CTSB: variants seen among roughly 807,000 people sequenced by gnomAD.
CTSB encodes the protein APP secretase.
In CTSB, 57 loss-of-function variants were observed where a neutral mutation model predicts 44.3. The observed-to-expected ratio is 1.29, with a 90% CI of 1.04 to 1.60. The LOEUF is 1.60. Ranked by LOEUF, CTSB falls within the 40% of genes most tolerant of loss-of-function variation. The pLI is 0.00. For synonymous variants in CTSB, 320 were observed against 168.0 expected (o/e 1.91, Z -7.00); for missense variants, 768 against 443.0 (o/e 1.73, Z -6.59).
intron 2 of CTSB, 115 bp from the exon 3 acceptor site, chr8:11,852,810 G>A (rs1189455846): frequency 1.1e-5 from 10 of 914,544 alleles, no homozygotes; most frequent in Non-Finnish European, 1.5e-5. Flanking sequence ...CAATTCAAGG[G>A]CCCAAGGGTT....
At chr8:11,858,706 G>C (rs1488169509) in intron 1 of CTSB, among the ~76,000 whole-genome samples, 1 of 152,204 alleles carries the variant, frequency 6.6e-6, no homozygotes, top group Non-Finnish European at 1.5e-5. Context: ...CAGAGGTCCT[G>C]ACAGCAGTGG....
At chr8:11,853,581 C>G in intron 1 of CTSB, 102 bp from the exon 2 acceptor site, 1 of 1,188,378 alleles carries the variant, frequency 8.4e-7, no homozygotes, top group Non-Finnish European at 1.2e-6. Flanking sequence ...CCCCCATGCT[C>G]GTCCTGGCCC....
intron 1 of CTSB, among the ~76,000 whole-genome samples, chr8:11,855,317 G>A (rs1482358606): frequency 2.0e-5 from 3 of 152,110 alleles, no homozygotes; most frequent in Admixed American, 1.3e-4. Flanking sequence ...ACCGCACCAG[G>A]CCCACAGATC....
chr8:11,860,709 G>A (rs767830797), intron 1 of CTSB, among the ~76,000 whole-genome samples: 1 of 152,218 alleles, frequency 6.6e-6, no homozygotes, highest in Non-Finnish European at 1.5e-5. Flanking sequence ...GTGCCTTATA[G>A]GCCAGCAGAG....
At chr8:11,845,885 A>G (rs1813226989) in intron 8 of CTSB, 96 bp from the exon 9 acceptor site, 1 of 1,418,310 alleles carries the variant, frequency 7.1e-7, no homozygotes, top group Non-Finnish European at 9.3e-7. Context: ...CGGGAAGGAG[A>G]AACAGCTTCC....
chr8:11,865,665 C>T (rs1198307505), intron 1 of CTSB: 8 of 151,430 alleles, frequency 5.3e-5, no homozygotes, highest in African/African-American at 1.9e-4. Flanking sequence ...GTCCATATCT[C>T]GAAAGGACGG....
intron 6 of CTSB, 53 bp from the exon 7 acceptor site, chr8:11,847,875 C>CCCAGCTGGGCGAGGCAGA (rs1813731578): frequency 2.6e-6 from 4 of 1,544,702 alleles, no homozygotes; most frequent in Non-Finnish European, 3.5e-6. Context: ...ACGGAGAAGA[C>CCCAGCTGGGCGAGGCAGA]CTGGGGCAAG....
At chr8:11,848,188 A>C in intron 5 of CTSB, 36 bp from the exon 6 acceptor site, 1 of 1,564,132 alleles carries the variant, frequency 6.4e-7, no homozygotes, top group East Asian at 2.2e-5. Flanking sequence ...CCTCTGAGAG[A>C]AGCACCACCA....
chr8:11,847,100 CG>C lies in CTSB; in HGVS notation c.744del (p.Val249TrpfsTer26). On this transcript the variant is annotated frameshift_variant, in exon 8 of 10. Coordinates refer to ENST00000353047, the MANE Select transcript of CTSB (RefSeq NM_001908.5). LOFTEE classifies it high-confidence loss of function. ...GAATACACAGAGAAAGCTCCCTCCA[CG>C]GGGCCGTTTTTGTAGATCTCGGCCA... is the stretch of plus-strand genomic sequence containing the variant. ...DIMAEIYKNG[P>X]VEGAFSVYSD... 1.2e-6 allele frequency: 2 copies of C among 1,613,754 alleles called. No homozygotes were observed. Among genetic ancestry groups the C allele is most frequent in the Non-Finnish European group, 1.7e-6 (2 of 1,179,628 alleles).
chr8:11,856,641 T>C (rs1291075561), intron 1 of CTSB, among the ~76,000 whole-genome samples: 2 of 152,118 alleles, frequency 1.3e-5, no homozygotes, highest in African/African-American at 4.8e-5. Flanking sequence ...AAGTGAATTC[T>C]ATTGTATTAA....
intron 6 of CTSB, 49 bp from the exon 7 acceptor site, chr8:11,847,871 A>AAGCCCCCGCTGGGCGAGGC: frequency 6.4e-7 from 1 of 1,555,122 alleles, no homozygotes; most frequent in Non-Finnish European, 8.7e-7. Flanking sequence ...CCCCACGGAG[A>AAGCCCCCGCTGGGCGAGGC]AGACCTGGGG....
At position 11,850,279 on chromosome 8, in the gene CTSB, C is replaced by T. The variant is rs567878651; in HGVS notation, c.327+587G>A. On this transcript the variant is annotated intron_variant, in intron 4 of 9. Transcript: ENST00000353047. The stretch of plus-strand genomic sequence containing the variant: ...ACTAAAAATACAAAAATTAGCTGGG[C>T]GTGGTGGCACATGCCTGTAGTCTTA... Among the ~76,000 whole-genome samples the T allele has an allele frequency of 2.4e-4, 37 of 151,878 alleles. No homozygotes were observed. The East Asian group carries it at 5.2e-3, about 21-fold the overall frequency.
intron 2 of CTSB, 135 bp downstream of exon 2, chr8:11,853,194 G>T (rs1293294): frequency 1.7e-5 from 21 of 1,248,286 alleles, no homozygotes; most frequent in Non-Finnish European, 2.3e-5. Flanking sequence ...ACATGACTCA[G>T]GGTCAGGGCC....
intron 1 of CTSB, among the ~76,000 whole-genome samples, chr8:11,860,627 A>AAAAAC (rs759399132): frequency 2.6e-5 from 4 of 152,166 alleles, no homozygotes; most frequent in South Asian, 2.1e-4. Context: ...TCCGTCTCAA[A>AAAAAC]AAAACAAAAC....
intron 4 of CTSB, chr8:11,850,612 AG>A: frequency 3.0e-6 from 1 of 337,108 alleles, no homozygotes; most frequent in African/African-American, 2.0e-5. Context: ...CCAGCATGTC[AG>A]GGAAAGGGAG....
At chr8:11,845,280 G>C (rs891622576) in intron 9 of CTSB, 58 bp from the exon 10 acceptor site, 4 of 1,329,692 alleles carry the variant, frequency 3.0e-6, no homozygotes, top group African/African-American at 2.9e-5. Context: ...AATATAGTCA[G>C]ACTCATCCTT....
At position 11,844,469 on chromosome 8, in the gene CTSB, C is replaced by G. The variant is rs1812857417; in HGVS notation, c.*656G>C. The G allele has an allele frequency of 6.6e-6, 1 of 152,236 alleles. No homozygotes were observed. Among genetic ancestry groups the G allele is most frequent in the Non-Finnish European group, 1.5e-5 (1 of 68,070 alleles). The allele number at this position is 152,236 out of a possible 1,614,324, so 9.4% of individuals were successfully genotyped here. A position where few individuals can be genotyped will look rare whatever the true frequency, so the allele number is the denominator to read the frequency against. On this transcript the variant is annotated 3_prime_UTR_variant, in exon 10 of 10. Coordinates refer to ENST00000353047, the MANE Select transcript of CTSB (RefSeq NM_001908.5). ...CAGTGGGTCAGAAACAACTCCTGAC[C>G]ACTTGGTTTCCTTTTGAGCCGCGTC...
intron 1 of CTSB, among the ~76,000 whole-genome samples, chr8:11,860,410 T>G (rs1485079011): frequency 6.6e-6 from 1 of 152,080 alleles, no homozygotes; most frequent in Non-Finnish European, 1.5e-5. Flanking sequence ...TCACCTGAGG[T>G]CAGGAGTTCG....
intron 2 of CTSB, 113 bp from the exon 3 acceptor site, chr8:11,852,808 G>A (rs753983379): frequency 2.2e-6 from 2 of 920,734 alleles, no homozygotes; most frequent in African/African-American, 3.3e-5. Context: ...CCCAATTCAA[G>A]GGCCCAAGGG....
Sources: gnomAD v4.1 joint callset for allele counts (sites outside exome capture counted in the v4.1 genomes callset) on GRCh38, gnomAD v4.1.1 for gene constraint, MANE v1.5 for transcripts, NCBI Gene and HGNC (gene_info 2026-07-23, HGNC 2026-07-21) for gene names.